PTF1A: variants seen among roughly 807,000 people sequenced by gnomAD.
The protein encoded by PTF1A is pancreas associated transcription factor 1a.
PTF1A carries 18 observed loss-of-function variants against 22.6 expected under a neutral mutation model. The observed-to-expected ratio is 0.80, with a 90% CI of 0.55 to 1.18. The LOEUF (loss-of-function observed/expected upper bound fraction) is 1.18. Ranked by LOEUF, PTF1A falls within the 50% of genes most tolerant of loss-of-function variation. The pLI is 0.00. For missense variants in PTF1A, 477 were observed against 473.0 expected, an observed-to-expected ratio of 1.01 and a Z score of -0.08; for synonymous variants, 259 against 227.9, an observed-to-expected ratio of 1.14 and a Z score of -1.23.
At chr10:23,193,587 A>T in intron 1 of PTF1A, 117 bp from the exon 2 acceptor site, 6 of 879,886 alleles carry the variant, frequency 6.8e-6, no homozygotes, top group Non-Finnish European at 1.2e-5. Context: ...GTGTGGAGGA[A>T]GAGGGTGGTT....
In PTF1A at chr10:23,192,957, G is replaced by C; in HGVS notation, c.427G>C (p.Gly143Arg). 2.6e-6 allele frequency: 3 copies of C among 1,157,564 alleles called. No homozygotes were observed. Among genetic ancestry groups the C allele is most frequent in the South Asian group, 4.2e-5 (1 of 23,788 alleles). The allele number at this position is 1,157,564 out of a possible 1,614,324, so 71.7% of individuals were successfully genotyped here. Residue 143 changes from glycine to arginine, a missense_variant, in exon 1 of 2, where the codon GGA becomes CGA. Coordinates refer to ENST00000376504, the MANE Select transcript of PTF1A (RefSeq NM_178161.3). ...CGGGGCGCGGCTGCGCGGCCTGAGC[G>C]GAGCGGCGGCTGCGGCGGCGCGGCG... Reference protein sequence around the residue: ...SPGARLRGLSGAAAAAARRRR... With the variant: ...SPGARLRGLSRAAAAAARRRR...
chr10:23,193,381 G>A, intron 1 of PTF1A, 67 bp downstream of exon 1: 1 of 1,400,740 alleles, frequency 7.1e-7, no homozygotes, highest in South Asian at 1.6e-5. Context: ...GAGGGGCTGG[G>A]GGAGCTGACT....
chr10:23,193,866 A>G lies in PTF1A; in HGVS notation c.947A>G (p.Asn316Ser), dbSNP rs781469928. 4 of 1,614,128 alleles carry G rather than the reference A, an allele frequency of 2.5e-6. No individual in the cohort carries two copies. In the Middle Eastern group the frequency reaches 6.6e-4, roughly 266 times the overall value. ...PRKLNSKSSF[N>S]NIENEPPFEF... ...AAACTCAACAGCAAATCTTCCTTCA[A>G]CAACATAGAAAACGAACCACCATTT... Residue 316 changes from asparagine (N) to serine (S), a missense_variant, in exon 2 of 2, where the codon AAC becomes AGC. Coordinates refer to ENST00000376504, the MANE Select transcript of PTF1A (RefSeq NM_178161.3).
Position 23,192,442 on chromosome 10 carries a change from G to C in PTF1A, c.-89G>C. ...CCTAGCTGCCCCCAGCCAGGGCCCC[G>C]GGAGGGAGGGGCTCGGACGGGCCTT... On this transcript the variant is annotated 5_prime_UTR_variant, in exon 1 of 2. Transcript: ENST00000376504. 22 of 1,524,276 alleles carry C rather than the reference G, an allele frequency of 1.4e-5. No individual in the cohort carries two copies. The highest frequency in any genetic ancestry group is 1.8e-5 in the Non-Finnish European group (21 of 1,139,514). 94.4% of individuals were successfully genotyped at this position (1,524,276 alleles called of 1,614,324 possible). A position where few individuals can be genotyped will look rare whatever the true frequency, so the allele number is the denominator to read the frequency against.
At chr10:23,193,520 G>A in intron 1 of PTF1A, 184 bp from the exon 2 acceptor site, 1 of 705,842 alleles carries the variant, frequency 1.4e-6, no homozygotes, top group Non-Finnish European at 2.3e-6. Flanking sequence ...AAGGGCGCGC[G>A]TCCCCGCCAG....
Position 23,192,383 on chromosome 10 carries a change from C to A in PTF1A, c.-148C>A. Reference sequence around the variant, plus strand: ...CAGAGCGCAGCGGCCGCGGGCACTCCAGGGAGGCCCGGGGGCGGGCAGCCC... The same window carrying A: ...CAGAGCGCAGCGGCCGCGGGCACTCAAGGGAGGCCCGGGGGCGGGCAGCCC... On this transcript the variant is annotated 5_prime_UTR_variant, in exon 1 of 2. Coordinates refer to ENST00000376504, the MANE Select transcript of PTF1A (RefSeq NM_178161.3). 1.8e-6 allele frequency: 2 copies of A among 1,111,168 alleles called. No homozygotes were observed. Among genetic ancestry groups the A allele is most frequent in the Non-Finnish European group, 2.5e-6 (2 of 814,542 alleles). The allele number at this position is 1,111,168 out of a possible 1,614,324, so 68.8% of individuals were successfully genotyped here.
In PTF1A at chr10:23,193,241, C is replaced by A; in HGVS notation, c.711C>A (p.Gly237=). 8.0e-7 allele frequency: 1 copy of A among 1,244,906 alleles called. No homozygotes were observed. The highest frequency in any genetic ancestry group is 1.0e-6 in the Non-Finnish European group (1 of 1,002,018). 77.1% of individuals were successfully genotyped at this position (1,244,906 alleles called of 1,614,324 possible). Residue 237 remains glycine, a synonymous_variant, in exon 1 of 2, where the codon GGC becomes GGA. Transcript: ENST00000376504. ...GGGAGGCGGP[G]GGGRLGGDSP... is the part of the protein sequence containing the mutation. ...GCGCGGGCGGCTGCGGGGGGCCGGG[C>A]GGCGGCGGGCGCCTGGGCGGGGACA...
chr10:23,193,745 C>T lies in PTF1A; in HGVS notation c.826C>T (p.Leu276=). The change falls in exon 2 of 2, where the codon CTA becomes TTA. Residue 276 remains leucine, a synonymous_variant. Transcript: ENST00000376504. ...PSDPDYGLPP[L]AGHSLSWTDE... Reference sequence around the variant, plus strand: ...CGACCCTGATTATGGCCTCCCTCCCCTAGCAGGACACTCTCTCTCATGGAC... The same window carrying T: ...CGACCCTGATTATGGCCTCCCTCCCTTAGCAGGACACTCTCTCTCATGGAC... 1 of 1,613,788 alleles carries T rather than the reference C, an allele frequency of 6.2e-7. No homozygotes were observed. The highest frequency in any genetic ancestry group is 8.5e-7 in the Non-Finnish European group (1 of 1,179,758).
chr10:23,192,338 A>T lies in PTF1A; in HGVS notation c.-193A>T. On this transcript the variant is annotated 5_prime_UTR_variant, in exon 1 of 2. Coordinates refer to ENST00000376504, the MANE Select transcript of PTF1A (RefSeq NM_178161.3). ...CAGGAAGTCCGCCACAGCCCTCCCC[A>T]GCGCAGCGCGAGCGCGGGCCAGAGC... is the stretch of plus-strand genomic sequence containing the variant. 1.9e-6 allele frequency: 1 copy of T among 518,656 alleles called. No individual in the cohort carries two copies. Among genetic ancestry groups the T allele is most frequent in the Non-Finnish European group, 3.1e-6 (1 of 326,792 alleles). The allele number at this position is 518,656 out of a possible 1,614,324, so 32.1% of individuals were successfully genotyped here.
In PTF1A at chr10:23,192,950, C is replaced by T. The variant is rs2131680284; in HGVS notation, c.420C>T (p.Gly140=). The T allele has an allele frequency of 6.9e-6, 8 of 1,167,492 alleles. No homozygotes were observed. The highest frequency in any genetic ancestry group is 8.4e-6 in the Non-Finnish European group (8 of 948,512). The allele number at this position is 1,167,492 out of a possible 1,614,324, so 72.3% of individuals were successfully genotyped here. A position where few individuals can be genotyped will look rare whatever the true frequency, so the allele number is the denominator to read the frequency against. ...TGTCTCCCGGGGCGCGGCTGCGCGG[C>T]CTGAGCGGAGCGGCGGCTGCGGCGG... ...AVLSPGARLR[G]LSGAAAAAAR... is the part of the protein sequence containing the mutation. The change falls in exon 1 of 2, where the codon GGC becomes GGT. Residue 140 remains glycine (G), a synonymous_variant. Transcript: ENST00000376504.
chr10:23,192,637 T>G lies in PTF1A; in HGVS notation c.107T>G (p.Leu36Arg). The change falls in exon 1 of 2, where the codon CTG (leucine) becomes CGG (arginine). Residue 36 changes from leucine (L) to arginine (R), a missense_variant. By Grantham distance (102) the Leu-to-Arg change is moderately radical (BLOSUM62 -2). Coordinates refer to ENST00000376504, the MANE Select transcript of PTF1A (RefSeq NM_178161.3). ...ACCGACCAGTCTTCACGGGACCCCC[T>G]GGAGGACGGCGATGAGCTGCTGGCG... is the stretch of plus-strand genomic sequence containing the variant. Reference protein sequence around the residue: ...FFTDQSSRDPLEDGDELLADE... With the variant: ...FFTDQSSRDPREDGDELLADE... The G allele has an allele frequency of 6.2e-7, 1 of 1,601,744 alleles. No homozygotes were observed. Among genetic ancestry groups the G allele is most frequent in the Non-Finnish European group, 8.5e-7 (1 of 1,174,534 alleles).
chr10:23,193,483 T>TA, intron 1 of PTF1A, 169 bp downstream of exon 1: 1 of 771,776 alleles, frequency 1.3e-6, no homozygotes, highest in Non-Finnish European at 2.0e-6. Context: ...TTTTTTTTAT[T>TA]TTTCTGCCAC....
Position 23,192,599 on chromosome 10 carries a change from G to C in PTF1A, c.69G>C (p.Glu23Asp), listed in dbSNP as rs1337157599. ...LDAFPSSYFD[E>D]DDFFTDQSSR... ...CCTTTCCTTCTTCGTACTTCGACGA[G>C]GACGACTTCTTCACCGACCAGTCTT... Residue 23 changes from glutamate (E) to aspartate (D), a missense_variant, in exon 1 of 2, where the codon GAG becomes GAC. Physicochemically the swap from Glu to Asp is conservative, Grantham distance 45 (BLOSUM62 2). Coordinates refer to ENST00000376504, the MANE Select transcript of PTF1A (RefSeq NM_178161.3). 3 of 1,604,212 alleles carry C rather than the reference G, an allele frequency of 1.9e-6. No homozygotes were observed. The highest frequency in any genetic ancestry group is 2.6e-6 in the Non-Finnish European group (3 of 1,175,542).
intron 1 of PTF1A, 82 bp from the exon 2 acceptor site, chr10:23,193,622 G>A (rs1840926736): frequency 1.9e-6 from 2 of 1,035,294 alleles, no homozygotes; most frequent in Non-Finnish European, 3.1e-6. Flanking sequence ...GAGCACCCAG[G>A]AAAGGGTCCT....
rs758086305 is a variant in PTF1A at position 23,192,657 on chromosome 10, C to T, written c.127C>T (p.Leu43=). 2 of 1,600,970 alleles carry T rather than the reference C, an allele frequency of 1.2e-6. No homozygotes were observed. The highest frequency in any genetic ancestry group is 1.4e-5 in the African/African-American group (1 of 73,672). Residue 43 remains leucine, a synonymous_variant, in exon 1 of 2, where the codon CTG becomes TTG. Coordinates refer to ENST00000376504, the MANE Select transcript of PTF1A (RefSeq NM_178161.3). ...RDPLEDGDEL[L]ADEQAEVEFL... is the part of the protein sequence containing the mutation. ...CCCCCTGGAGGACGGCGATGAGCTG[C>T]TGGCGGACGAGCAGGCCGAGGTGGA...
Position 23,193,155 on chromosome 10 carries a change from A to G in PTF1A, c.625A>G (p.Ile209Val). Residue 209 changes from isoleucine (I) to valine (V), a missense_variant, in exon 1 of 2, where the codon ATC becomes GTC. Transcript: ENST00000376504. ...LSKVDTLRLAIGYINFLSELV... is the reference protein window; with the variant it reads ...LSKVDTLRLAVGYINFLSELV... The stretch of plus-strand genomic sequence containing the variant: ...CAAGGTGGACACGCTGCGCCTGGCC[A>G]TCGGCTACATCAACTTCCTCAGCGA... 7.1e-7 allele frequency: 1 copy of G among 1,417,914 alleles called. No homozygotes were observed. The highest frequency in any genetic ancestry group is 1.5e-5 in the African/African-American group (1 of 67,012). The allele number at this position is 1,417,914 out of a possible 1,614,324, so 87.8% of individuals were successfully genotyped here.
chr10:23,193,553 G>A, intron 1 of PTF1A, 151 bp from the exon 2 acceptor site: 1 of 797,806 alleles, frequency 1.3e-6, no homozygotes, highest in Non-Finnish European at 2.1e-6. Flanking sequence ...TCGGATTCCT[G>A]GGAGGGGACG....
chr10:23,192,683 G>A lies in PTF1A; in HGVS notation c.153G>A (p.Glu51=). The A allele has an allele frequency of 1.3e-6, 2 of 1,595,436 alleles. No individual in the cohort carries two copies. The highest frequency in any genetic ancestry group is 1.7e-6 in the Non-Finnish European group (2 of 1,172,926). ...TGGCGGACGAGCAGGCCGAGGTGGA[G>A]TTCCTTAGCCACCAGCTCCACGAGT... is the stretch of plus-strand genomic sequence containing the variant. ...ELLADEQAEV[E]FLSHQLHEYC... is the part of the protein sequence containing the mutation. Residue 51 remains glutamate (E), a synonymous_variant, in exon 1 of 2, where the codon GAG becomes GAA. Coordinates refer to ENST00000376504, the MANE Select transcript of PTF1A (RefSeq NM_178161.3).
Position 23,193,137 on chromosome 10 carries a change from G to T in PTF1A, c.607G>T (p.Asp203Tyr). Residue 203 changes from aspartate (D) to tyrosine (Y), a missense_variant, in exon 1 of 2, where the codon GAC (aspartate) becomes TAC (tyrosine). Transcript: ENST00000376504. ...CTACGAGAAGCGCCTCTCCAAGGTGGACACGCTGCGCCTGGCCATCGGCTA... is the reference window on the plus strand; with the variant it reads ...CTACGAGAAGCGCCTCTCCAAGGTGTACACGCTGCGCCTGGCCATCGGCTA... ...LPYEKRLSKV[D>Y]TLRLAIGYIN... is the part of the protein sequence containing the mutation. The T allele has an allele frequency of 1.4e-6, 2 of 1,442,394 alleles. No homozygotes were observed. The highest frequency in any genetic ancestry group is 2.6e-5 in the South Asian group (2 of 77,632). The allele number at this position is 1,442,394 out of a possible 1,614,324, so 89.3% of individuals were successfully genotyped here. A position where few individuals can be genotyped will look rare whatever the true frequency, so the allele number is the denominator to read the frequency against.
Sources: allele counts gnomAD v4.1 joint callset, GRCh38; gene constraint gnomAD v4.1.1; transcripts MANE v1.5; gene names NCBI Gene and HGNC (gene_info 2026-07-23, HGNC 2026-07-21).